Variants in COP1 observed in about 807,000 individuals in gnomAD.
COP1 encodes E3 ubiquitin-protein ligase COP1.
COP1 carries 24 observed loss-of-function variants against 101.3 expected under a neutral mutation model. The ratio of observed to expected loss-of-function variants is 0.24; its 90% CI spans 0.17 to 0.33. COP1 has a LOEUF of 0.33. COP1 is among the 10% of genes least tolerant of loss of function. COP1 has a pLI of 1.00. For synonymous variants in COP1, 347 were observed against 341.9 expected, an observed-to-expected ratio of 1.01 and a Z score of -0.17; for missense variants, 663 against 906.2, an observed-to-expected ratio of 0.73 and a Z score of 3.45.
intron 1 of COP1, among the ~76,000 whole-genome samples, chr1:176,202,004 G>A (rs903434039): frequency 6.6e-6 from 1 of 151,882 alleles, no homozygotes; most frequent in African/African-American, 2.4e-5. Context: ...GCTCACAATG[G>A]TCTAAAAAGA....
At chr1:176,077,224 G>A (rs1035419412) in intron 11 of COP1, among the ~76,000 whole-genome samples, 4 of 151,812 alleles carry the variant, frequency 2.6e-5, no homozygotes, top group Admixed American at 1.3e-4. Context: ...AAAAATCCTC[G>A]ACAAAATACT....
intron 18 of COP1, among the ~76,000 whole-genome samples, chr1:175,960,762 C>A (rs1348883332): frequency 1.3e-5 from 2 of 152,186 alleles, no homozygotes; most frequent in Admixed American, 1.3e-4. Flanking sequence ...GAGGCTTCGC[C>A]AGAAAGCTAC....
At chr1:176,152,945 T>G (rs1452821662) in intron 5 of COP1, among the ~76,000 whole-genome samples, 3 of 152,138 alleles carry the variant, frequency 2.0e-5, no homozygotes, top group African/African-American at 7.2e-5. Context: ...ACAGAAAACT[T>G]CTAAAGGATA....
intron 11 of COP1, among the ~76,000 whole-genome samples, chr1:176,066,100 C>T (rs1675916776): frequency 6.6e-6 from 1 of 152,112 alleles, no homozygotes; most frequent in South Asian, 2.1e-4. Flanking sequence ...GACTAAGAAG[C>T]CCATATCTAC....
intron 6 of COP1, among the ~76,000 whole-genome samples, chr1:176,142,397 TA>T (rs1441342061): frequency 6.6e-6 from 1 of 152,080 alleles, no homozygotes; most frequent in Non-Finnish European, 1.5e-5. Context: ...ATGGCCTAAA[TA>T]CACAATTAAA....
intron 8 of COP1, among the ~76,000 whole-genome samples, chr1:176,119,567 T>C (rs1270924429): frequency 6.6e-6 from 1 of 152,144 alleles, no homozygotes; most frequent in Non-Finnish European, 1.5e-5. Flanking sequence ...GAAAAAGGTA[T>C]AATGCAGGCT....
intron 9 of COP1, among the ~76,000 whole-genome samples, chr1:176,106,396 T>C (rs1684311152): frequency 6.6e-6 from 1 of 152,158 alleles, no homozygotes; most frequent in African/African-American, 2.4e-5. Context: ...ACCTCCTTCT[T>C]GCCTGGCAAC....
chr1:176,150,745 T>C (rs957465477), intron 5 of COP1, among the ~76,000 whole-genome samples: 2 of 152,196 alleles, frequency 1.3e-5, no homozygotes, highest in African/African-American at 4.8e-5. Context: ...AACTAGAATA[T>C]GTAAATATGA....
At chr1:175,953,353 A>C (rs924713381) in intron 18 of COP1, among the ~76,000 whole-genome samples, 2 of 152,172 alleles carry the variant, frequency 1.3e-5, no homozygotes, top group Non-Finnish European at 2.9e-5. Context: ...TGACAGACAT[A>C]AAACCAACTG....
chr1:176,159,540 C>CACA (rs1693974173), intron 5 of COP1, among the ~76,000 whole-genome samples: 1 of 152,072 alleles, frequency 6.6e-6, no homozygotes, highest in South Asian at 2.1e-4. Context: ...GTAGTGCTGA[C>CACA]ACAACTAAGA....
At chr1:176,006,242 C>T (rs1341828337) in intron 15 of COP1, among the ~76,000 whole-genome samples, 1 of 152,026 alleles carries the variant, frequency 6.6e-6, no homozygotes, top group African/African-American at 2.4e-5. Context: ...CTATGTGTGT[C>T]TCTGCACGTG....
At position 176,186,937 on chromosome 1, in the gene COP1, C is replaced by T. The variant is rs903548251; in HGVS notation, c.408-2245G>A. Reference sequence around the variant, plus strand: ...GGAAGAAATGACTACAGGTTTACCTCGCACACAGCTCCATCATCCGTTAGT... The same window carrying T: ...GGAAGAAATGACTACAGGTTTACCTTGCACACAGCTCCATCATCCGTTAGT... On this transcript the variant is annotated intron_variant, in intron 1 of 19. Coordinates refer to ENST00000367669, the MANE Select transcript of COP1 (RefSeq NM_022457.7). Among the ~76,000 whole-genome samples, 7 of 152,192 alleles carry T rather than the reference C, an allele frequency of 4.6e-5. 1 individual carries two copies. The highest frequency in any genetic ancestry group is 7.2e-5 in the African/African-American group (3 of 41,516).
At chr1:176,174,447 C>T (rs191915604) in intron 3 of COP1, among the ~76,000 whole-genome samples, 3 of 152,244 alleles carry the variant, frequency 2.0e-5, no homozygotes. Context: ...GTTCCTTCTC[C>T]AAGTTTGCCA....
intron 19 of COP1, 107 bp from the exon 20 acceptor site, chr1:175,945,277 G>A (rs1056214997): frequency 1.8e-5 from 14 of 774,286 alleles, no homozygotes; most frequent in African/African-American, 5.5e-5. Flanking sequence ...TTTAAAAAAC[G>A]TTTCCCAACT....
At chr1:176,133,672 T>C (rs1330863) in intron 8 of COP1, among the ~76,000 whole-genome samples, 9,946 of 151,834 alleles carry the variant, frequency 0.066, 442 homozygotes, top group Non-Finnish European at 0.087. Context: ...CACCGTACTG[T>C]CACAATTTCA....
At chr1:175,957,869 A>G (rs1650873041) in intron 18 of COP1, among the ~76,000 whole-genome samples, 1 of 152,212 alleles carries the variant, frequency 6.6e-6, no homozygotes, top group African/African-American at 2.4e-5. Flanking sequence ...GATACAGGCA[A>G]TAACACAAGC....
chr1:176,071,529 T>A (rs1393059011), intron 11 of COP1, among the ~76,000 whole-genome samples: 3 of 152,158 alleles, frequency 2.0e-5, no homozygotes, highest in Non-Finnish European at 4.4e-5. Flanking sequence ...GGTATGATTT[T>A]GAAAAAAATT....
chr1:175,975,505 G>A (rs1351431702), intron 18 of COP1, among the ~76,000 whole-genome samples: 1 of 152,088 alleles, frequency 6.6e-6, no homozygotes, highest in Non-Finnish European at 1.5e-5. Flanking sequence ...TGCCTCCTGG[G>A]TTCAAGCGAT....
chr1:176,159,718 A>G (rs951889249), intron 5 of COP1, among the ~76,000 whole-genome samples: 1 of 152,224 alleles, frequency 6.6e-6, no homozygotes, highest in African/African-American at 2.4e-5. Context: ...GAAACCCTTT[A>G]TATAAACCTC....
Sources: allele counts gnomAD v4.1 joint callset (sites outside exome capture counted in the v4.1 genomes callset), GRCh38; gene constraint gnomAD v4.1.1; transcripts MANE v1.5; gene names NCBI Gene and HGNC (gene_info 2026-07-23, HGNC 2026-07-21).